THBS4: variants seen among roughly 807,000 people sequenced by gnomAD.
THBS4 encodes the protein thrombospondin 4, also known as thrombospondin-4.
THBS4 carries 90 observed loss-of-function variants against 115.7 expected under a neutral mutation model. The ratio of observed to expected loss-of-function variants is 0.78; its 90% CI spans 0.66 to 0.93. The LOEUF (loss-of-function observed/expected upper bound fraction) is 0.93, where lower values mean the gene tolerates loss of function less well. Ranked by LOEUF, THBS4 falls within the 40% of genes least tolerant of loss-of-function variation. The pLI, the probability that THBS4 is intolerant of heterozygous loss-of-function variation, is 0.00. For missense variants in THBS4, 1,087 were observed against 1,232.7 expected (o/e 0.88, Z 1.77); for synonymous variants, 460 against 479.3 (o/e 0.96, Z 0.53).
At chr5:80,044,192 T>C (rs896279635) in intron 2 of THBS4, among the ~76,000 whole-genome samples, 2 of 152,204 alleles carry the variant, frequency 1.3e-5, no homozygotes, top group African/African-American at 4.8e-5. Flanking sequence ...TACTTCTAGG[T>C]CTTCTCTCCA....
upstream of THBS4, among the ~76,000 whole-genome samples, chr5:80,031,921 T>G (rs751751037): frequency 6.6e-6 from 1 of 152,158 alleles, no homozygotes; most frequent in Non-Finnish European, 1.5e-5. Flanking sequence ...GATTACAGTA[T>G]TAAGAGAAGG....
In THBS4 at chr5:79,994,229, AT is replaced by A. The variant is rs1831744135; in HGVS notation, n.81+2818del. 2.6e-5 allele frequency among the ~76,000 whole-genome samples: 4 copies of A among 152,204 alleles called. No individual in the cohort carries two copies. The South Asian group carries it at 8.3e-4, about 32-fold the overall frequency. On this transcript the variant is annotated intron_variant and non_coding_transcript_variant, in intron 1 of 3. Coordinates refer to the THBS4 transcript ENST00000510218. ...AGGTACCTTCCTAAGGTTAACTAACATCTTTGTGTCCCTCCTTGAAAATAGA... is the reference window on the plus strand; with the variant it reads ...AGGTACCTTCCTAAGGTTAACTAACACTTTGTGTCCCTCCTTGAAAATAGA...
At chr5:80,083,053 A>C (rs201494439) in intron 21 of THBS4, 27 bp from the exon 22 acceptor site, 1 of 1,609,086 alleles carries the variant, frequency 6.2e-7, no homozygotes, top group East Asian at 2.2e-5. Context: ...AGCCTCGCTA[A>C]CCTCCCTGTG....
At chr5:80,068,233 T>C in intron 10 of THBS4, 108 bp downstream of exon 10, 4 of 1,377,492 alleles carry the variant, frequency 2.9e-6, no homozygotes, top group South Asian at 1.3e-5. Flanking sequence ...AATGAAAGCA[T>C]TGCAATTAAA....
chr5:80,082,304 A>C, intron 20 of THBS4, 102 bp from the exon 21 acceptor site: 1 of 1,480,682 alleles, frequency 6.8e-7, no homozygotes, highest in Non-Finnish European at 9.1e-7. Context: ...AGAGCAAAGA[A>C]AGACGCAGGT....
intron 7 of THBS4, 87 bp downstream of exon 7, chr5:80,059,992 AGGGCTGACT>A: frequency 7.4e-7 from 1 of 1,350,542 alleles, no homozygotes; most frequent in Non-Finnish European, 1.0e-6. Flanking sequence ...CTGATGATTA[AGGGCTGACT>A]TGGGCTGTCC....
At chr5:80,026,225 A>G (rs1212240859) in intron 2 of THBS4, among the ~76,000 whole-genome samples, 1 of 152,234 alleles carries the variant, frequency 6.6e-6, no homozygotes, top group East Asian at 1.9e-4. Flanking sequence ...AAGAAACACT[A>G]TACTTAGAAG....
At chr5:80,078,845 G>A in intron 17 of THBS4, 76 bp from the exon 18 acceptor site, 3 of 1,447,696 alleles carry the variant, frequency 2.1e-6, no homozygotes, top group Non-Finnish European at 2.9e-6. Context: ...CTCATATGGT[G>A]CCTGAGGTTT....
chr5:80,051,116 C>T (rs566603996), intron 2 of THBS4, among the ~76,000 whole-genome samples: 12 of 152,182 alleles, frequency 7.9e-5, no homozygotes, highest in African/African-American at 2.4e-4. Flanking sequence ...AGATGAGCAC[C>T]GGGAAAGGGG....
chr5:80,040,159 T>A lies in THBS4; in HGVS notation c.171T>A (p.Asp57Glu), dbSNP rs762262683. 27 of 1,614,108 alleles carry A rather than the reference T, an allele frequency of 1.7e-5. No homozygotes were observed. The highest frequency in any genetic ancestry group is 2.3e-5 in the Non-Finnish European group (27 of 1,180,012). Residue 57 changes from aspartate (D) to glutamate (E), a missense_variant, in exon 2 of 22, where the codon GAT becomes GAA. Asp to Glu is a conservative substitution (Grantham distance 45). Coordinates refer to ENST00000350881, the MANE Select transcript of THBS4 (RefSeq NM_003248.6). ...LPVLTDPALN[D>E]LYVISTFKLQ... ...TCCTGACAGACCCCGCCCTGAATGA[T>A]CTCTATGTGATTTCCACCTTCAAGC...
chr5:80,025,999 C>T (rs1308411762), intron 2 of THBS4, among the ~76,000 whole-genome samples: 3 of 152,116 alleles, frequency 2.0e-5, no homozygotes, highest in East Asian at 1.9e-4. Context: ...TTATATAGGT[C>T]GGAAAGTCAT....
chr5:80,008,333 A>T (rs2151153163), intron 2 of THBS4, among the ~76,000 whole-genome samples: 1 of 152,332 alleles, frequency 6.6e-6, no homozygotes, highest in East Asian at 1.9e-4. Flanking sequence ...GCCCACTTAA[A>T]TTTGAATTTC....
At chr5:80,040,365 C>A in intron 2 of THBS4, 85 bp downstream of exon 2, 1 of 1,113,914 alleles carries the variant, frequency 9.0e-7, no homozygotes, top group Admixed American at 2.1e-5. Context: ...GAGATGGTTT[C>A]CTTGTACAAT....
chr5:80,048,632 A>ATGTGTGTGTGTGTGTGTGTG (rs56183875), intron 2 of THBS4, among the ~76,000 whole-genome samples: 2 of 147,274 alleles, frequency 1.4e-5, no homozygotes, highest in African/African-American at 2.5e-5. Flanking sequence ...CACTAGATAG[A>ATGTGTGTGTGTGTGTGTGTG]TGTGTGTGTG....
chr5:80,000,006 C>G (rs1401820968), intron 2 of THBS4, among the ~76,000 whole-genome samples: 2 of 152,146 alleles, frequency 1.3e-5, no homozygotes, highest in Non-Finnish European at 2.9e-5. Context: ...CTTGCTTCCC[C>G]TATTCATCAA....
At chr5:80,045,290 T>C (rs1833025006) in intron 2 of THBS4, among the ~76,000 whole-genome samples, 1 of 152,106 alleles carries the variant, frequency 6.6e-6, no homozygotes, top group East Asian at 1.9e-4. Flanking sequence ...TCAGAACAAC[T>C]TGGTGCTGTG....
At position 80,039,938 on chromosome 5, in the gene THBS4, A is replaced by C; in HGVS notation, c.89-139A>C. On this transcript the variant is annotated intron_variant, in intron 1 of 21. Transcript: ENST00000350881. ...ACAGGGAAGAACTGGTGAGTTTGGC[A>C]ATACGGAAAAGGGATTACAAGATTA... is the stretch of plus-strand genomic sequence containing the variant. 4 of 721,920 alleles carry C rather than the reference A, an allele frequency of 5.5e-6. No individual in the cohort carries two copies. In the South Asian group the frequency reaches 7.1e-5, roughly 13 times the overall value. The allele number at this position is 721,920 out of a possible 1,614,324, so 44.7% of individuals were successfully genotyped here. A position where few individuals can be genotyped will look rare whatever the true frequency, so the allele number is the denominator to read the frequency against.
intron 7 of THBS4, 50 bp from the exon 8 acceptor site, chr5:80,061,645 G>T: frequency 6.5e-7 from 1 of 1,530,318 alleles, no homozygotes; most frequent in Non-Finnish European, 8.8e-7. Context: ...AGAAAAGTTT[G>T]AGAGTGTTTT....
chr5:80,079,763 T>G, intron 19 of THBS4, 142 bp from the exon 20 acceptor site: 1 of 817,328 alleles, frequency 1.2e-6, no homozygotes, highest in Non-Finnish European at 1.9e-6. Context: ...AGAAATGACA[T>G]TTAAGTGTTT....
Sources: allele counts gnomAD v4.1 joint callset (sites outside exome capture counted in the v4.1 genomes callset), GRCh38; gene constraint gnomAD v4.1.1; transcripts MANE v1.5; gene names NCBI Gene and HGNC (gene_info 2026-07-23, HGNC 2026-07-21).